The following GFI1 variants were observed in gnomAD, a reference collection of about 807,000 sequenced individuals.
GFI1 encodes the protein zinc finger protein Gfi-1.
In GFI1, 15 loss-of-function variants were observed where a neutral mutation model predicts 39.2. The ratio of observed to expected loss-of-function variants is 0.38; its 90% confidence interval spans 0.26 to 0.59. The LOEUF is 0.59. GFI1 is among the 20% of genes least tolerant of loss of function. The pLI, the probability that GFI1 is intolerant of heterozygous loss-of-function variation, is 0.62. For synonymous variants in GFI1, 239 were observed against 254.3 expected (o/e 0.94, Z 0.57); for missense variants, 475 against 574.0 (o/e 0.83, Z 1.76).
chr1:92,479,573 G>A (rs1468495766), intron 5 of GFI1, among the ~76,000 whole-genome samples: 1 of 152,086 alleles, frequency 6.6e-6, no homozygotes, highest in East Asian at 1.9e-4. Context: ...TAGCGGCGGT[G>A]GGGCATGGTG....
rs55814509 is a variant in GFI1 at position 92,473,177 on chromosome 1, CAAAA to C, written c.*2848_*2851del. Among the ~76,000 whole-genome samples, 4 of 108,984 alleles carry C rather than the reference CAAAA, an allele frequency of 3.7e-5. No homozygotes were observed. Among genetic ancestry groups the C allele is most frequent in the Admixed American group, 9.5e-5 (1 of 10,538 alleles). The allele number at this position is 108,984 out of a possible 152,430, so 71.5% of individuals were successfully genotyped here. A position where few individuals can be genotyped will look rare whatever the true frequency, so the allele number is the denominator to read the frequency against. On this transcript the variant is annotated 3_prime_UTR_variant, in exon 7 of 7. Transcript: ENST00000294702. ...GGGGATATCAAGATACATTTTTTAC[CAAAA>C]AAAAAAAAAAAAGGCATACAGTTAA...
In GFI1 at chr1:92,482,895, G is replaced by A. The variant is rs1211223318; in HGVS notation, c.267C>T (p.Phe89=). Residue 89 remains phenylalanine (F), a synonymous_variant, in exon 3 of 7, where the codon TTC becomes TTT. Coordinates refer to ENST00000294702, the MANE Select transcript of GFI1 (RefSeq NM_005263.5). This position sits in a 1 kb window ranked among gnomAD's most constrained non-coding sequence, Gnocchi z 4.4. The part of the protein sequence containing the change: ...VCERSSEFED[F]WRPPSPSASP... ...ACGCGGAGGGTGACGGGGGCCTCCA[G>A]AAGTCCTCAAACTCCGAGCTCCGTT... The A allele has an allele frequency of 6.2e-7, 1 of 1,614,144 alleles. No homozygotes were observed. The highest frequency in any genetic ancestry group is 1.1e-5 in the South Asian group (1 of 91,090).
chr1:92,483,198 C>G (rs1202115446), intron 2 of GFI1, 152 bp from the exon 3 acceptor site: 11 of 795,552 alleles, frequency 1.4e-5, no homozygotes, highest in Admixed American at 1.2e-4. Context: ...CGAGGGCAGG[C>G]GCAGAGAGGC....
intron 1 of GFI1, 124 bp from the exon 2 acceptor site, chr1:92,483,710 C>T (rs1658403378): frequency 1.4e-5 from 8 of 577,128 alleles, no homozygotes; most frequent in Admixed American, 2.7e-5. Context: ...GGAGGAGGGG[C>T]TTGACCCTGC....
Position 92,481,467 on chromosome 1 carries a change from T to C in GFI1, c.299-379A>G, listed in dbSNP as rs10874656. On this transcript the variant is annotated intron_variant, in intron 3 of 6. Transcript: ENST00000294702. This position sits in a 1 kb window ranked among gnomAD's most constrained non-coding sequence, Gnocchi z 4.3. ...AGTTGAGCTGTTAAGAAGGAGAAGG[T>C]GGCGGCCGTTCGGCCCCTCACAGCA... Among the ~76,000 whole-genome samples the C allele has an allele frequency of 0.86, 130,708 of 152,246 alleles. 56,564 individuals carry two copies. Among genetic ancestry groups the C allele is most frequent in the East Asian group, 0.97 (5,007 of 5,168 alleles).
chr1:92,483,886 A>G (rs948830072), intron 1 of GFI1: 24 of 336,596 alleles, frequency 7.1e-5, no homozygotes, highest in African/African-American at 5.2e-4. Context: ...TTCCTAGCGA[A>G]GCTCGCTCCG....
Position 92,478,604 on chromosome 1 carries a change from G to C in GFI1, c.1074C>G (p.His358Gln), listed in dbSNP as rs755765258. The C allele has an allele frequency of 6.2e-7, 1 of 1,614,074 alleles. No homozygotes were observed. The highest frequency in any genetic ancestry group is 8.5e-7 in the Non-Finnish European group (1 of 1,179,954). ...RFHQKSDMKK[H>Q]TFIHTGEKPH... ...TTAGCTCACCAGTGTGGATGAAAGT[G>C]TGTTTCTTCATGTCTGACTTCTGGT... The change falls in exon 6 of 7, where the codon CAC becomes CAG. Residue 358 changes from histidine to glutamine, a missense_variant. By Grantham distance (24) the His-to-Gln change is conservative. Coordinates refer to ENST00000294702, the MANE Select transcript of GFI1 (RefSeq NM_005263.5).
In GFI1 at chr1:92,480,210, ACGCAGCGGAGGG is replaced by A. The variant is rs1658154372; in HGVS notation, c.924+126_924+137del. Reference sequence around the variant, plus strand: ...TACACACCTGCACCAGGGCAAGGGGACGCAGCGGAGGGCTTGGGGGAGGAAACTGGGGGAAGT... The same window carrying A: ...TACACACCTGCACCAGGGCAAGGGGACTTGGGGGAGGAAACTGGGGGAAGT... On this transcript the variant is annotated intron_variant, in intron 5 of 6. Transcript: ENST00000294702. This position sits in a 1 kb window ranked among gnomAD's most constrained non-coding sequence, Gnocchi z 5.6. The A allele has an allele frequency of 2.1e-6, 2 of 944,002 alleles. No individual in the cohort carries two copies. Among genetic ancestry groups the A allele is most frequent in the African/African-American group, 1.6e-5 (1 of 61,832 alleles). 58.5% of individuals were successfully genotyped at this position (944,002 alleles called of 1,614,324 possible). A position where few individuals can be genotyped will look rare whatever the true frequency, so the allele number is the denominator to read the frequency against.
At position 92,483,408 on chromosome 1, in the gene GFI1, A is replaced by C. The variant is rs1658376266; in HGVS notation, c.80T>G (p.Leu27Arg). The C allele has an allele frequency of 1.2e-6, 2 of 1,612,586 alleles. No individual in the cohort carries two copies. The highest frequency in any genetic ancestry group is 4.5e-5 in the East Asian group (2 of 44,846). ...QPRSPGPDYSLRLENVPAPSR... is the reference protein window; with the variant it reads ...QPRSPGPDYSRRLENVPAPSR... ...AGGCGCCGGTACATTCTCTAAACGG[A>C]GGGAATAGTCTGGTCCTGGGGAGCG... The change falls in exon 2 of 7, where the codon CTC (leucine) becomes CGC (arginine). Residue 27 changes from leucine to arginine, a missense_variant. Leu to Arg is a moderately radical substitution (Grantham distance 102). Coordinates refer to ENST00000294702, the MANE Select transcript of GFI1 (RefSeq NM_005263.5).
chr1:92,475,822 C>A lies in GFI1; in HGVS notation c.*207G>T, dbSNP rs1039418342. 1 of 604,986 alleles carries A rather than the reference C, an allele frequency of 1.7e-6. No homozygotes were observed. Among genetic ancestry groups the A allele is most frequent in the East Asian group, 2.8e-5 (1 of 35,362 alleles). The allele number at this position is 604,986 out of a possible 1,614,324, so 37.5% of individuals were successfully genotyped here. On this transcript the variant is annotated 3_prime_UTR_variant, in exon 7 of 7. Coordinates refer to ENST00000294702, the MANE Select transcript of GFI1 (RefSeq NM_005263.5). ...TAGAGAGTCACTTGGTTCTCACTCTCGGCTGCACTTTGAAAAGGTACCTCA... is the reference window on the plus strand; with the variant it reads ...TAGAGAGTCACTTGGTTCTCACTCTAGGCTGCACTTTGAAAAGGTACCTCA...
chr1:92,479,747 G>A (rs1349888474), intron 5 of GFI1, among the ~76,000 whole-genome samples: 2 of 152,168 alleles, frequency 1.3e-5, no homozygotes, highest in East Asian at 3.9e-4. Context: ...CAGCTACTTA[G>A]GAGGCTGAGG....
Position 92,483,086 on chromosome 1 carries a change from G to A in GFI1, c.116-40C>T, listed in dbSNP as rs773052062. 3.9e-6 allele frequency: 6 copies of A among 1,528,786 alleles called. No homozygotes were observed. In the African/African-American group the frequency reaches 4.1e-5, roughly 10 times the overall value. 94.7% of individuals were successfully genotyped at this position (1,528,786 alleles called of 1,614,324 possible). On this transcript the variant is annotated intron_variant, in intron 2 of 6. Transcript: ENST00000294702. ...CAGGTGAGGGGCTCAGGCTGGGACCGGTTGAGTCTGAGGGTGCTGAAGGCT... is the reference window on the plus strand; with the variant it reads ...CAGGTGAGGGGCTCAGGCTGGGACCAGTTGAGTCTGAGGGTGCTGAAGGCT...
At chr1:92,476,310 A>G in intron 6 of GFI1, 103 bp from the exon 7 acceptor site, 2 of 1,091,058 alleles carry the variant, frequency 1.8e-6, no homozygotes, top group Non-Finnish European at 2.7e-6. Flanking sequence ...GTTGCACCAC[A>G]GTCTAAGGCC....
chr1:92,480,703 C>T lies in GFI1; in HGVS notation c.684G>A (p.Gly228=), dbSNP rs1406810686. The T allele has an allele frequency of 6.3e-7, 1 of 1,596,078 alleles. No individual in the cohort carries two copies. The highest frequency in any genetic ancestry group is 8.5e-7 in the Non-Finnish European group (1 of 1,177,754). Residue 228 remains glycine, a synonymous_variant, in exon 4 of 7, where the codon GGG becomes GGA. Transcript: ENST00000294702. The surrounding 1 kb of genome is among the most constrained non-coding windows in gnomAD (Gnocchi z 5.6). ...CGCCAGCGCCCTTGTCTGCGTGCAGCCCGTGGCCACGCTCGGGGTACAGCA... is the reference window on the plus strand; with the variant it reads ...CGCCAGCGCCCTTGTCTGCGTGCAGTCCGTGGCCACGCTCGGGGTACAGCA... ...AGLLYPERGH[G]LHADKGAGVK... is the part of the protein sequence containing the mutation.
rs1276408178 is a variant in GFI1, at chr1:92,481,683, C to T, written c.299-595G>A. ...TTAAGATTTCACGAAGTTAAGTGCC[C>T]AGTGTACGTAGCAAAGGAGCAGCAG... On this transcript the variant is annotated intron_variant, in intron 3 of 6. Transcript: ENST00000294702. The surrounding 1 kb of genome is among the most constrained non-coding windows in gnomAD (Gnocchi z 4.3). Among the ~76,000 whole-genome samples, 5 of 152,142 alleles carry T rather than the reference C, an allele frequency of 3.3e-5. No individual in the cohort carries two copies. The highest frequency in any genetic ancestry group is 3.3e-4 in the Admixed American group (5 of 15,288).
At chr1:92,477,061 G>A (rs1241297716) in intron 6 of GFI1, among the ~76,000 whole-genome samples, 1 of 152,138 alleles carries the variant, frequency 6.6e-6, no homozygotes, top group Non-Finnish European at 1.5e-5. Flanking sequence ...TTATAGTCAG[G>A]GCTCAGCCTT....
At position 92,480,552 on chromosome 1, in the gene GFI1, A is replaced by G; in HGVS notation, c.786+49T>C. 6.5e-7 allele frequency: 1 copy of G among 1,543,276 alleles called. No individual in the cohort carries two copies. On this transcript the variant is annotated intron_variant, in intron 4 of 6. Transcript: ENST00000294702. The surrounding 1 kb of genome is among the most constrained non-coding windows in gnomAD (Gnocchi z 5.6). ...CGCGGGGCGCAGGCGAGGCGCGGGTAGGGGAAGCGGGCGCACGGCAGGCGA... is the reference window on the plus strand; with the variant it reads ...CGCGGGGCGCAGGCGAGGCGCGGGTGGGGGAAGCGGGCGCACGGCAGGCGA...
chr1:92,483,531 G>A lies in GFI1; in HGVS notation c.-44C>T. On this transcript the variant is annotated 5_prime_UTR_variant, in exon 2 of 7. Transcript: ENST00000294702. Reference sequence around the variant, plus strand: ...CCACTGCGCCCCAAGAGTCCCTGGAGCCGCTGTCACCCACGGTCACTCCGA... The same window carrying A: ...CCACTGCGCCCCAAGAGTCCCTGGAACCGCTGTCACCCACGGTCACTCCGA... 1 of 1,163,718 alleles carries A rather than the reference G, an allele frequency of 8.6e-7. No homozygotes were observed. Among genetic ancestry groups the A allele is most frequent in the Non-Finnish European group, 1.3e-6 (1 of 784,202 alleles). The allele number at this position is 1,163,718 out of a possible 1,614,324, so 72.1% of individuals were successfully genotyped here.
At chr1:92,479,155 C>T (rs564164864) in intron 5 of GFI1, among the ~76,000 whole-genome samples, 2 of 152,306 alleles carry the variant, frequency 1.3e-5, no homozygotes, top group Admixed American at 1.3e-4. Flanking sequence ...CGTGAGCCAC[C>T]GTGCCTGGCC....
Sources: allele counts gnomAD v4.1 joint callset (sites outside exome capture counted in the v4.1 genomes callset), GRCh38; gene constraint gnomAD v4.1.1; non-coding constraint Gnocchi (gnomAD v3.1); transcripts MANE v1.5; gene names NCBI Gene and HGNC (gene_info 2026-07-23, HGNC 2026-07-21).